The following BNIP3L variants were observed in gnomAD, a reference collection of about 807,000 sequenced individuals.
BNIP3L encodes BCL2 interacting protein 3 like.
In BNIP3L, 10 loss-of-function variants were observed where a neutral mutation model predicts 25.5. The observed-to-expected ratio is 0.39, with a 90% CI of 0.24 to 0.67. The LOEUF (loss-of-function observed/expected upper bound fraction) is 0.67, where lower values mean the gene tolerates loss of function less well. BNIP3L is among the 30% of genes least tolerant of loss of function. The pLI is 0.45. For missense variants in BNIP3L, 215 were observed against 270.9 expected (o/e 0.79, Z 1.45); for synonymous variants, 113 against 101.2 (o/e 1.12, Z -0.70).
Position 26,395,166 on chromosome 8 carries a change from G to A in BNIP3L, c.285-64G>A, listed in dbSNP as rs552041214. 4,452 of 1,539,404 alleles carry A rather than the reference G, an allele frequency of 2.9e-3. 40 individuals are homozygous for A. Among genetic ancestry groups the A allele is most frequent in the Middle Eastern group, 8.0e-3 (47 of 5,908 alleles). ...GTAACTTTTAATTTTCTAATTTCTA[G>A]TAGAGACTAAGTCATTTGACAAAGT... On this transcript the variant is annotated intron_variant, in intron 2 of 5. Coordinates refer to ENST00000380629, the MANE Select transcript of BNIP3L (RefSeq NM_004331.3).
intron 2 of BNIP3L, among the ~76,000 whole-genome samples, chr8:26,392,548 G>C (rs1806137380): frequency 6.6e-6 from 1 of 152,108 alleles, no homozygotes; most frequent in Non-Finnish European, 1.5e-5. Flanking sequence ...TGGTTTGTTG[G>C]CTCTGTGGCA....
At chr8:26,395,376 ATAAAT>A (rs2117475739) in intron 3 of BNIP3L, 74 bp downstream of exon 3, 5 of 1,468,542 alleles carry the variant, frequency 3.4e-6, no homozygotes, top group Non-Finnish European at 4.7e-6. Context: ...TTTTGCTAAA[ATAAAT>A]GTGAAGACTT....
In BNIP3L at chr8:26,410,444, A is replaced by C; in HGVS notation, c.*32A>C. On this transcript the variant is annotated 3_prime_UTR_variant, in exon 6 of 6. Coordinates refer to ENST00000380629, the MANE Select transcript of BNIP3L (RefSeq NM_004331.3). ...GGAAAAGCCCCTGGAAATGCGTGTG[A>C]CCTGTGAAGTGGTGTATTGTCACAG... is the stretch of plus-strand genomic sequence containing the variant. 6.2e-7 allele frequency: 1 copy of C among 1,613,176 alleles called. No individual in the cohort carries two copies. The highest frequency in any genetic ancestry group is 1.7e-5 in the Admixed American group (1 of 60,020).
At position 26,395,277 on chromosome 8, in the gene BNIP3L, A is replaced by G. The variant is rs1806208252; in HGVS notation, c.332A>G (p.His111Arg). The G allele has an allele frequency of 6.2e-7, 1 of 1,614,052 alleles. No individual in the cohort carries two copies. The highest frequency in any genetic ancestry group is 1.3e-5 in the African/African-American group (1 of 74,934). The change falls in exon 3 of 6, where the codon CAC becomes CGC. Residue 111 changes from histidine to arginine, a missense_variant. By Grantham distance (29) the His-to-Arg change is conservative. Around this residue, in one of 4 missense-constraint regions of BNIP3L, gnomAD observed 47 missense variants for 43.3 expected, o/e 1.09. Transcript: ENST00000380629. ...DGQIMFDVEM[H>R]TSRDHSSQSE... The stretch of plus-strand genomic sequence containing the variant: ...CAGATCATGTTTGATGTGGAAATGC[A>G]CACCAGCAGGGACCATAGCTCTCAG...
rs1388199930 is a variant in BNIP3L, at chr8:26,410,721, T to C, written c.*309T>C. ...GATTATAATTTTGTCAGCAATGCTA[T>C]TATCTCTAATTAGTGCCACCAGACT... On this transcript the variant is annotated 3_prime_UTR_variant, in exon 6 of 6. Coordinates refer to ENST00000380629, the MANE Select transcript of BNIP3L (RefSeq NM_004331.3). 1 of 364,304 alleles carries C rather than the reference T, an allele frequency of 2.7e-6. No homozygotes were observed. The highest frequency in any genetic ancestry group is 2.7e-5 in the South Asian group (1 of 37,158). The allele number at this position is 364,304 out of a possible 1,614,324, so 22.6% of individuals were successfully genotyped here. A position where few individuals can be genotyped will look rare whatever the true frequency, so the allele number is the denominator to read the frequency against.
intron 3 of BNIP3L, chr8:26,395,823 G>T (rs1434396593): frequency 1.9e-5 from 3 of 155,942 alleles, no homozygotes; most frequent in Non-Finnish European, 4.3e-5. Flanking sequence ...AAGCGCAAGG[G>T]GTCAGGGAGT....
chr8:26,383,608 A>T, intron 1 of BNIP3L: 9 of 305,098 alleles, frequency 2.9e-5, no homozygotes, highest in Non-Finnish European at 3.4e-5. Flanking sequence ...GTGGGCCGGG[A>T]TGGGGACGTG....
At chr8:26,400,186 A>T (rs1201719394) in intron 3 of BNIP3L, among the ~76,000 whole-genome samples, 1 of 152,022 alleles carries the variant, frequency 6.6e-6, no homozygotes, top group East Asian at 1.9e-4. Context: ...TACAGTAACC[A>T]AAACAGCATG....
At chr8:26,387,114 C>T (rs1006462035) in intron 1 of BNIP3L, among the ~76,000 whole-genome samples, 18 of 152,122 alleles carry the variant, frequency 1.2e-4, no homozygotes, top group Non-Finnish European at 1.8e-4. Flanking sequence ...TGTCCCAAAG[C>T]TCCTCTCTTC....
intron 5 of BNIP3L, among the ~76,000 whole-genome samples, chr8:26,408,889 AAAG>A (rs199977068): frequency 0.15 from 19,777 of 135,574 alleles, 1,885 homozygotes; most frequent in East Asian, 0.42. Context: ...AAAAAAAAAA[AAAG>A]AAGATGTTCA....
chr8:26,402,753 C>T (rs1356609576), intron 3 of BNIP3L, among the ~76,000 whole-genome samples: 2 of 152,138 alleles, frequency 1.3e-5, no homozygotes, highest in Non-Finnish European at 2.9e-5. Context: ...CATAGCAAGA[C>T]TCTCTGTCTC....
chr8:26,389,970 T>C (rs1278258750), intron 1 of BNIP3L, among the ~76,000 whole-genome samples: 1 of 152,200 alleles, frequency 6.6e-6, no homozygotes, highest in East Asian at 1.9e-4. Context: ...GCTGGGAGTT[T>C]AGAGGGATGG....
intron 3 of BNIP3L, among the ~76,000 whole-genome samples, chr8:26,406,896 C>G (rs1168680094): frequency 6.6e-6 from 1 of 150,588 alleles, no homozygotes; most frequent in African/African-American, 2.4e-5. Context: ...TATTTATTTC[C>G]TCATCACATC....
At chr8:26,383,797 C>T (rs1213193628) in intron 1 of BNIP3L, among the ~76,000 whole-genome samples, 4 of 152,158 alleles carry the variant, frequency 2.6e-5, no homozygotes, top group Non-Finnish European at 4.4e-5. Context: ...ATTTGCTCGT[C>T]TAGGGTTGGC....
At chr8:26,385,495 C>T (rs755957618) in intron 1 of BNIP3L, among the ~76,000 whole-genome samples, 55 of 151,634 alleles carry the variant, frequency 3.6e-4, no homozygotes, top group African/African-American at 3.2e-4. Context: ...CCCAGCTATT[C>T]AGGCGGCTGA....
intron 2 of BNIP3L, among the ~76,000 whole-genome samples, chr8:26,391,974 C>T (rs1175711973): frequency 6.6e-6 from 1 of 152,178 alleles, no homozygotes; most frequent in African/African-American, 2.4e-5. Flanking sequence ...GAAGCACCAA[C>T]CAAGGTCTGT....
In BNIP3L at chr8:26,388,144, G is replaced by A. The variant is rs532371182; in HGVS notation, c.101-3099G>A. 9.2e-5 allele frequency among the ~76,000 whole-genome samples: 14 copies of A among 152,324 alleles called. 1 individual carries two copies. The South Asian group carries it at 2.9e-3, about 32-fold the overall frequency. On this transcript the variant is annotated intron_variant, in intron 1 of 5. Transcript: ENST00000380629. ...GTGGCTCCTTTGGGAGTAGGAACGG[G>A]AGGTTGGGAGAGATGTTAATTTTTA...
At chr8:26,390,791 T>G (rs1806089910) in intron 1 of BNIP3L, among the ~76,000 whole-genome samples, 1 of 152,226 alleles carries the variant, frequency 6.6e-6, no homozygotes, top group Non-Finnish European at 1.5e-5. Context: ...TTTTATGAAA[T>G]TTGTAGGTGA....
intron 2 of BNIP3L, among the ~76,000 whole-genome samples, chr8:26,392,790 A>G (rs1310952335): frequency 6.6e-6 from 1 of 152,124 alleles, no homozygotes; most frequent in South Asian, 2.1e-4. Context: ...TGGCCTGTCA[A>G]CAAGGCTTTC....
Sources: allele counts gnomAD v4.1 joint callset (sites outside exome capture counted in the v4.1 genomes callset), GRCh38; gene constraint gnomAD v4.1.1; regional missense constraint gnomAD v4.1.1; transcripts MANE v1.5; gene names NCBI Gene and HGNC (gene_info 2026-07-23, HGNC 2026-07-21).